EIF4G3: variants seen among roughly 807,000 people sequenced by gnomAD.
EIF4G3 encodes the protein eIF-4-gamma 3.
A neutral mutation model predicts 186.4 loss-of-function variants in EIF4G3; 34 were observed. The ratio of observed to expected loss-of-function variants is 0.18; its 90% confidence interval spans 0.14 to 0.24. EIF4G3 has a LOEUF of 0.24. Among genes scored for constraint, EIF4G3 ranks in the 10% least tolerant of loss-of-function variants. The pLI is 1.00. For missense variants in EIF4G3, 1,536 were observed against 1,948.5 expected, an observed-to-expected ratio of 0.79 and a Z score of 3.99; for synonymous variants, 673 against 679.5, an observed-to-expected ratio of 0.99 and a Z score of 0.15.
intron 4 of EIF4G3, among the ~76,000 whole-genome samples, chr1:21,012,903 A>G (rs558212132): frequency 2.0e-5 from 3 of 152,298 alleles, no homozygotes; most frequent in Admixed American, 6.5e-5. Context: ...GAGTTCCCCA[A>G]GTGTAAAAGC....
chr1:20,831,110 GA>G (rs993649232), intron 30 of EIF4G3, among the ~76,000 whole-genome samples: 1 of 152,040 alleles, frequency 6.6e-6, no homozygotes, highest in Non-Finnish European at 1.5e-5. Flanking sequence ...TGGGTGGAAG[GA>G]AAAAACCACA....
chr1:21,061,332 A>G (rs1359543952), intron 3 of EIF4G3, among the ~76,000 whole-genome samples: 1 of 152,192 alleles, frequency 6.6e-6, no homozygotes, highest in Non-Finnish European at 1.5e-5. Flanking sequence ...ATTGTGAAGC[A>G]TTGTATATTT....
At chr1:20,978,695 A>C (rs902881273) in intron 10 of EIF4G3, among the ~76,000 whole-genome samples, 3 of 144,558 alleles carry the variant, frequency 2.1e-5, no homozygotes, top group East Asian at 1.9e-4. Flanking sequence ...AAAAAAAAAA[A>C]ACCCATGGTA....
intron 3 of EIF4G3, among the ~76,000 whole-genome samples, chr1:21,082,090 C>T (rs781269199): frequency 2.6e-5 from 4 of 151,034 alleles, no homozygotes; most frequent in Non-Finnish European, 5.9e-5. Flanking sequence ...GCCACCGTGC[C>T]TGGCCAAGTC....
chr1:20,977,288 G>C (rs1390507531), intron 10 of EIF4G3, among the ~76,000 whole-genome samples: 1 of 151,990 alleles, frequency 6.6e-6, no homozygotes, highest in African/African-American at 2.4e-5. Flanking sequence ...CTGGGTTCAA[G>C]CAATTCTTCT....
At chr1:20,928,248 T>C (rs1219719070) in intron 14 of EIF4G3, among the ~76,000 whole-genome samples, 1 of 152,196 alleles carries the variant, frequency 6.6e-6, no homozygotes, top group Non-Finnish European at 1.5e-5. Flanking sequence ...ATAGCATGTG[T>C]CAAAAGATGA....
intron 14 of EIF4G3, among the ~76,000 whole-genome samples, chr1:20,916,229 G>A (rs546101132): frequency 5.9e-5 from 9 of 152,134 alleles, no homozygotes; most frequent in Middle Eastern, 6.8e-3. Flanking sequence ...GGCGGATCAC[G>A]AGGTCAGGAG....
At chr1:20,831,766 A>C (rs1571274864) in intron 30 of EIF4G3, among the ~76,000 whole-genome samples, 1 of 104,224 alleles carries the variant, frequency 9.6e-6, no homozygotes, top group Admixed American at 1.2e-4. Flanking sequence ...CCCTCCCCCG[A>C]CCCCACAACA....
intron 2 of EIF4G3, among the ~76,000 whole-genome samples, chr1:21,145,113 T>A (rs12035087): frequency 0.55 from 81,077 of 147,138 alleles, 22,249 homozygotes; most frequent in East Asian, 0.76. Context: ...AAAAAAAAAA[T>A]TATGCCATTA....
intron 20 of EIF4G3, among the ~76,000 whole-genome samples, chr1:20,876,765 G>A (rs1026103430): frequency 2.0e-5 from 3 of 152,254 alleles, no homozygotes; most frequent in African/African-American, 7.2e-5. Context: ...GGAGGCCAAG[G>A]CGGGAAGAGC....
intron 2 of EIF4G3, among the ~76,000 whole-genome samples, chr1:21,135,328 C>T (rs548602555): frequency 3.6e-4 from 55 of 152,108 alleles, no homozygotes; most frequent in Non-Finnish European, 6.6e-4. Flanking sequence ...GGTGAAATCC[C>T]GTCTCTACTA....
intron 12 of EIF4G3, among the ~76,000 whole-genome samples, chr1:20,951,752 A>AG (rs3835564): frequency 0.38 from 57,390 of 150,692 alleles, 11,616 homozygotes; most frequent in Middle Eastern, 0.53. Flanking sequence ...CCAAATAAAA[A>AG]GGGGGGGGCA....
chr1:20,991,347 C>T lies in EIF4G3; in HGVS notation c.177+6254G>A, dbSNP rs1570529187. ...CTTTGGGAGGCTAAGATGGGCGGAT[C>T]GCTTAAGCTCAGGAGCTCAAGACTG... is the stretch of plus-strand genomic sequence containing the variant. On this transcript the variant is annotated intron_variant, in intron 7 of 36. Coordinates refer to ENST00000602326, the MANE Select transcript of EIF4G3 (RefSeq NM_001391906.1). 2.0e-5 allele frequency among the ~76,000 whole-genome samples: 3 copies of T among 152,196 alleles called. No individual in the cohort carries two copies. In the South Asian group the frequency reaches 6.2e-4, roughly 32 times the overall value.
intron 30 of EIF4G3, among the ~76,000 whole-genome samples, chr1:20,838,346 C>A (rs1049204978): frequency 1.3e-5 from 2 of 152,030 alleles, no homozygotes; most frequent in African/African-American, 4.8e-5. Context: ...ATTATCATTT[C>A]CAGAATTTTC....
chr1:21,019,169 C>T (rs941424641), intron 4 of EIF4G3, among the ~76,000 whole-genome samples: 4 of 152,070 alleles, frequency 2.6e-5, no homozygotes, highest in African/African-American at 9.7e-5. Flanking sequence ...ACTAGAGGCA[C>T]GAGTCACCAC....
At chr1:20,847,426 C>T (rs1212867594) in intron 29 of EIF4G3, among the ~76,000 whole-genome samples, 1 of 152,154 alleles carries the variant, frequency 6.6e-6, no homozygotes, top group Non-Finnish European at 1.5e-5. Flanking sequence ...AAGAGTCCTC[C>T]TATTGTACTC....
chr1:21,034,905 C>A (rs2093048410), intron 4 of EIF4G3, among the ~76,000 whole-genome samples: 2 of 152,120 alleles, frequency 1.3e-5, no homozygotes, highest in Admixed American at 1.3e-4. Flanking sequence ...AGGCGCCACC[C>A]TGGCAGGGTC....
At chr1:21,126,851 T>C (rs2097055826) in intron 2 of EIF4G3, among the ~76,000 whole-genome samples, 1 of 152,138 alleles carries the variant, frequency 6.6e-6, no homozygotes, top group African/African-American at 2.4e-5. Context: ...ATAAATGATC[T>C]AGTATTTGCA....
chr1:21,019,647 G>A (rs1252595544), intron 4 of EIF4G3, among the ~76,000 whole-genome samples: 1 of 152,168 alleles, frequency 6.6e-6, no homozygotes, highest in Non-Finnish European at 1.5e-5. Flanking sequence ...TGCCATGGGA[G>A]GCCAAGGCAG....
Sources: gnomAD v4.1 joint callset for allele counts (sites outside exome capture counted in the v4.1 genomes callset) on GRCh38, gnomAD v4.1.1 for gene constraint, MANE v1.5 for transcripts, NCBI Gene and HGNC (gene_info 2026-07-23, HGNC 2026-07-21) for gene names.